CCDC73: variants seen among roughly 807,000 people sequenced by gnomAD.
CCDC73 encodes coiled-coil domain-containing protein 73.
A neutral mutation model predicts 116.5 loss-of-function variants in CCDC73; 95 were observed. That is an observed-to-expected ratio of 0.82 (90% CI 0.69 to 0.97). The LOEUF (loss-of-function observed/expected upper bound fraction) is 0.97, where lower values mean the gene tolerates loss of function less well. Ranked by LOEUF, CCDC73 falls within the 50% of genes least tolerant of loss-of-function variation. The pLI is 0.00. For synonymous variants in CCDC73, 398 were observed against 401.3 expected, an observed-to-expected ratio of 0.99 and a Z score of 0.10; for missense variants, 1,066 against 1,206.8, an observed-to-expected ratio of 0.88 and a Z score of 1.73.
In CCDC73 at chr11:32,767,216, G is replaced by A. The variant is rs534520616; in HGVS notation, c.-15-6958C>T. ...GACAAACCTGACAAAAACAAGAAAT[G>A]GGAAAAGGAGTCCCTATTTAACAAA... is the stretch of plus-strand genomic sequence containing the variant. On this transcript the variant is annotated intron_variant, in intron 1 of 17. Coordinates refer to ENST00000335185, the MANE Select transcript of CCDC73 (RefSeq NM_001008391.4). Among the ~76,000 whole-genome samples, 21 of 152,274 alleles carry A rather than the reference G, an allele frequency of 1.4e-4. No individual in the cohort carries two copies. The East Asian group carries it at 3.7e-3, about 27-fold the overall frequency.
Position 32,614,119 on chromosome 11 carries a change from C to T in CCDC73, c.2199G>A (p.Met733Ile), listed in dbSNP as rs753249671. 6.2e-7 allele frequency: 1 copy of T among 1,613,618 alleles called. No homozygotes were observed. The highest frequency in any genetic ancestry group is 8.5e-7 in the Non-Finnish European group (1 of 1,179,820). ...TTGAGTTAGGTTTCACCAACATAGA[C>T]ATACTATGGACATTTTTATCTGAGT... Reference protein sequence around the residue: ...LKNSDKNVHSMSMLVKPNSSP... With the variant: ...LKNSDKNVHSISMLVKPNSSP... The change falls in exon 16 of 18, where the codon ATG (methionine) becomes ATA (isoleucine). Residue 733 changes from methionine to isoleucine, a missense_variant. By Grantham distance (10) the Met-to-Ile change is conservative. Coordinates refer to ENST00000335185, the MANE Select transcript of CCDC73 (RefSeq NM_001008391.4).
At position 32,653,350 on chromosome 11, in the gene CCDC73, T is replaced by C. The variant is rs1855843748; in HGVS notation, c.835-123A>G. The C allele has an allele frequency of 5.6e-6, 3 of 538,868 alleles. No individual in the cohort carries two copies. The South Asian group carries it at 9.3e-5, about 17-fold the overall frequency. The allele number at this position is 538,868 out of a possible 1,614,324, so 33.4% of individuals were successfully genotyped here. A position where few individuals can be genotyped will look rare whatever the true frequency, so the allele number is the denominator to read the frequency against. ...TATTTATAGTTTAATTTCAATACTT[T>C]ATATTAAACTAATGGCACATCTAAT... On this transcript the variant is annotated intron_variant, in intron 11 of 17. Transcript: ENST00000335185.
intron 1 of CCDC73, among the ~76,000 whole-genome samples, chr11:32,776,936 A>ATATATATATAT (rs1554970184): frequency 2.7e-5 from 1 of 36,474 alleles, no homozygotes; most frequent in South Asian, 7.1e-4. Context: ...AAAAAAAAAA[A>ATATATATATAT]ATATATATAT....
chr11:32,783,839 T>C (rs958858904), intron 1 of CCDC73, among the ~76,000 whole-genome samples: 2 of 152,120 alleles, frequency 1.3e-5, no homozygotes, highest in South Asian at 2.1e-4. Context: ...AAAGGAACCC[T>C]AGCACGGTGG....
intron 14 of CCDC73, among the ~76,000 whole-genome samples, chr11:32,635,083 A>AT (rs1271083152): frequency 6.6e-6 from 1 of 152,216 alleles, no homozygotes; most frequent in East Asian, 1.9e-4. Context: ...GACCTATATG[A>AT]TAAAAACTAC....
intron 1 of CCDC73, among the ~76,000 whole-genome samples, chr11:32,770,714 T>A (rs1273211445): frequency 6.6e-6 from 1 of 152,224 alleles, no homozygotes; most frequent in Non-Finnish European, 1.5e-5. Flanking sequence ...TGGATCTGAC[T>A]AAGGTGACTT....
chr11:32,634,125 A>G (rs1263389839), intron 14 of CCDC73, among the ~76,000 whole-genome samples: 2 of 152,192 alleles, frequency 1.3e-5, no homozygotes, highest in Non-Finnish European at 2.9e-5. Flanking sequence ...TAAAGAAATC[A>G]TACCAACTCT....
intron 14 of CCDC73, among the ~76,000 whole-genome samples, chr11:32,620,667 T>C (rs1855515780): frequency 6.7e-6 from 1 of 149,846 alleles, no homozygotes; most frequent in Non-Finnish European, 1.5e-5. Flanking sequence ...TTATATTTCA[T>C]TCATTAAAAC....
chr11:32,828,787 CTA>C, the CCDC73 span, among the ~76,000 whole-genome samples: 1 of 152,076 alleles, frequency 6.6e-6, no homozygotes, highest in Non-Finnish European at 1.5e-5. Context: ...TGAATTTTAT[CTA>C]ATGATATTTA....
intron 12 of CCDC73, among the ~76,000 whole-genome samples, chr11:32,644,869 C>G (rs571928221): frequency 9.2e-5 from 14 of 152,240 alleles, no homozygotes; most frequent in African/African-American, 3.4e-4. Context: ...CCTTTTGAGT[C>G]TGGCTTCATC....
chr11:32,619,985 T>G, intron 14 of CCDC73, among the ~76,000 whole-genome samples: 1 of 152,062 alleles, frequency 6.6e-6, no homozygotes. Context: ...GATGAAAATC[T>G]CCAAGGGAGA....
intron 2 of CCDC73, among the ~76,000 whole-genome samples, chr11:32,726,886 T>A (rs1292762101): frequency 2.6e-5 from 4 of 152,122 alleles, no homozygotes; most frequent in South Asian, 4.1e-4. Context: ...CAAAATAATT[T>A]GAATAAAAAT....
chr11:32,830,366 G>A, the CCDC73 span: 1 of 844,198 alleles, frequency 1.2e-6, no homozygotes, highest in Non-Finnish European at 1.6e-6. Flanking sequence ...GGCGCGCGTC[G>A]GGTTCCGGCG....
chr11:32,675,245 C>A (rs1856075798), intron 9 of CCDC73, among the ~76,000 whole-genome samples: 1 of 152,064 alleles, frequency 6.6e-6, no homozygotes, highest in African/African-American at 2.4e-5. Flanking sequence ...CCACATAGCA[C>A]CCAGTATATA....
chr11:32,649,063 C>T (rs1157256610), intron 12 of CCDC73, among the ~76,000 whole-genome samples: 2 of 152,170 alleles, frequency 1.3e-5, no homozygotes, highest in Non-Finnish European at 2.9e-5. Context: ...CCATTGAATT[C>T]TACAGCGCCT....
chr11:32,663,466 T>G (rs1323796740), intron 9 of CCDC73, among the ~76,000 whole-genome samples: 1 of 152,246 alleles, frequency 6.6e-6, no homozygotes, highest in African/African-American at 2.4e-5. Flanking sequence ...AGTTCACTCA[T>G]GATTTGGCTC....
chr11:32,690,553 G>C (rs969119571), intron 6 of CCDC73, among the ~76,000 whole-genome samples: 1 of 152,166 alleles, frequency 6.6e-6, no homozygotes, highest in Non-Finnish European at 1.5e-5. Flanking sequence ...CTAATGGTTA[G>C]CACCGTCCCC....
Position 32,715,899 on chromosome 11 carries a change from G to A in CCDC73, c.207+2177C>T, listed in dbSNP as rs1441494092. Among the ~76,000 whole-genome samples the A allele has an allele frequency of 1.3e-5, 2 of 152,050 alleles. 1 individual carries two copies. The highest frequency in any genetic ancestry group is 4.1e-4 in the South Asian group (2 of 4,830). On this transcript the variant is annotated intron_variant, in intron 3 of 17. Transcript: ENST00000335185. The stretch of plus-strand genomic sequence containing the variant: ...TTTATTCTCAAGAGTAGCTTCAAGA[G>A]CTTCAATGTTGCCACATTCACAATC...
At chr11:32,777,284 T>C (rs1850546236) in intron 1 of CCDC73, among the ~76,000 whole-genome samples, 1 of 151,576 alleles carries the variant, frequency 6.6e-6, no homozygotes, top group African/African-American at 2.4e-5. Flanking sequence ...TTTGTATTTT[T>C]AGTAAAGATG....
Sources: allele counts gnomAD v4.1 joint callset (sites outside exome capture counted in the v4.1 genomes callset), GRCh38; gene constraint gnomAD v4.1.1; transcripts MANE v1.5; gene names NCBI Gene and HGNC (gene_info 2026-07-23, HGNC 2026-07-21).